Variants in AUTS2 observed in about 807,000 individuals in gnomAD.
AUTS2 encodes the protein activator of transcription and developmental regulator AUTS2, also known as autism susceptibility gene 2 protein.
AUTS2 carries 17 observed loss-of-function variants against 112.4 expected under a neutral mutation model. The ratio of observed to expected loss-of-function variants is 0.15; its 90% CI spans 0.10 to 0.23. The LOEUF is 0.23. Among genes scored for constraint, AUTS2 ranks in the 10% least tolerant of loss-of-function variants. The probability of loss-of-function intolerance (pLI) is 1.00; values close to 1 mark genes in which losing one functional copy is unlikely to be tolerated. For synonymous variants in AUTS2, 751 were observed against 702.7 expected, an observed-to-expected ratio of 1.07 and a Z score of -1.09; for missense variants, 1,510 against 1,701.6, an observed-to-expected ratio of 0.89 and a Z score of 1.98.
At chr7:70,393,839 G>C (rs1044998402) in intron 4 of AUTS2, among the ~76,000 whole-genome samples, 12 of 152,038 alleles carry the variant, frequency 7.9e-5, no homozygotes, top group Admixed American at 5.9e-4. Context: ...CTTTCCCCCA[G>C]TTTCCTTGCA....
intron 2 of AUTS2, among the ~76,000 whole-genome samples, chr7:69,948,899 G>A (rs1455943422): frequency 4.0e-5 from 6 of 151,734 alleles, no homozygotes; most frequent in African/African-American, 9.7e-5. Context: ...TCCACCTCCC[G>A]GGTTCAAGTG....
At chr7:70,507,903 C>CA (rs1563003095) in intron 5 of AUTS2, among the ~76,000 whole-genome samples, 1 of 152,226 alleles carries the variant, frequency 6.6e-6, no homozygotes, top group Non-Finnish European at 1.5e-5. Flanking sequence ...GCATGTACCT[C>CA]ATATGGGCAA....
In AUTS2 at chr7:70,345,951, A is replaced by G. The variant is rs138155704; in HGVS notation, c.661-89801A>G. Among the ~76,000 whole-genome samples the G allele has an allele frequency of 4.2e-3, 644 of 152,248 alleles. 5 individuals are homozygous for G. Among genetic ancestry groups the G allele is most frequent in the Non-Finnish European group, 5.4e-3 (370 of 68,018 alleles). Reference sequence around the variant, plus strand: ...AGTGTCCTGAATCTGTGGTTTTATAATCTATGTCAGAAGTCTATCATTTTT... The same window carrying G: ...AGTGTCCTGAATCTGTGGTTTTATAGTCTATGTCAGAAGTCTATCATTTTT... On this transcript the variant is annotated intron_variant, in intron 4 of 18. Transcript: ENST00000342771.
chr7:69,635,410 A>C (rs981201448), intron 1 of AUTS2, among the ~76,000 whole-genome samples: 5 of 152,346 alleles, frequency 3.3e-5, no homozygotes, highest in African/African-American at 1.2e-4. Flanking sequence ...ACATCTGAGA[A>C]TAATAATATA....
At chr7:69,778,779 C>T (rs1199662039) in intron 1 of AUTS2, among the ~76,000 whole-genome samples, 1 of 152,120 alleles carries the variant, frequency 6.6e-6, no homozygotes, top group Non-Finnish European at 1.5e-5. Context: ...TCAGCGTGAG[C>T]TAATGAGTGG....
At chr7:69,604,063 A>G (rs997763763) in intron 1 of AUTS2, among the ~76,000 whole-genome samples, 2 of 152,206 alleles carry the variant, frequency 1.3e-5, no homozygotes, top group African/African-American at 4.8e-5. Flanking sequence ...AATTTGTGGA[A>G]TTAGCAGAAA....
intron 1 of AUTS2, among the ~76,000 whole-genome samples, chr7:69,624,171 CTG>C (rs1412480216): frequency 6.6e-6 from 1 of 152,188 alleles, no homozygotes; most frequent in Non-Finnish European, 1.5e-5. Context: ...TTTCTGCAAT[CTG>C]TTTCACTGAA....
intron 5 of AUTS2, among the ~76,000 whole-genome samples, chr7:70,679,834 G>C (rs1158731659): frequency 6.6e-6 from 1 of 152,154 alleles, no homozygotes; most frequent in African/African-American, 2.4e-5. Flanking sequence ...TGTGTATTTT[G>C]TTCTTTCGTT....
Position 70,629,458 on chromosome 7 carries a change from C to T in AUTS2, c.691-69111C>T, listed in dbSNP as rs572996048. On this transcript the variant is annotated intron_variant, in intron 5 of 18. Transcript: ENST00000342771. ...CTGCACTCCAGCCTGGGCGACAAAG[C>T]GAGACTCCATCTCAAAAAAAGGGAA... is the stretch of plus-strand genomic sequence containing the variant. Among the ~76,000 whole-genome samples, 336 of 151,418 alleles carry T rather than the reference C, an allele frequency of 2.2e-3. 1 individual carries two copies. Among genetic ancestry groups the T allele is most frequent in the African/African-American group, 6.8e-3 (281 of 41,234 alleles).
chr7:70,224,437 G>A (rs1466889154), intron 4 of AUTS2, among the ~76,000 whole-genome samples: 1 of 151,296 alleles, frequency 6.6e-6, no homozygotes, highest in African/African-American at 2.4e-5. Context: ...TAAAAGAAAG[G>A]TTATAGAATA....
intron 5 of AUTS2, among the ~76,000 whole-genome samples, chr7:70,681,976 G>A (rs923483585): frequency 6.6e-6 from 1 of 152,132 alleles, no homozygotes; most frequent in African/African-American, 2.4e-5. Context: ...CTAACTGTCC[G>A]TGGCTTTGGG....
intron 5 of AUTS2, among the ~76,000 whole-genome samples, chr7:70,536,910 A>G (rs1800346872): frequency 1.3e-5 from 2 of 152,166 alleles, no homozygotes; most frequent in South Asian, 4.1e-4. Flanking sequence ...CAAAGAAAAA[A>G]GAAAAAGAAA....
At chr7:69,806,351 A>G (rs1790306871) in intron 1 of AUTS2, among the ~76,000 whole-genome samples, 1 of 151,828 alleles carries the variant, frequency 6.6e-6, no homozygotes, top group Non-Finnish European at 1.5e-5. Context: ...GAAATATGAT[A>G]ATAGCTTATT....
intron 5 of AUTS2, 42 bp downstream of exon 5, chr7:70,435,823 C>T: frequency 1.3e-6 from 2 of 1,598,028 alleles, no homozygotes; most frequent in Non-Finnish European, 1.7e-6. Flanking sequence ...GCACATAACA[C>T]ACTGAACACC....
At chr7:69,779,863 TG>T (rs1437785702) in intron 1 of AUTS2, among the ~76,000 whole-genome samples, 2 of 152,066 alleles carry the variant, frequency 1.3e-5, no homozygotes, top group Non-Finnish European at 2.9e-5. Flanking sequence ...CTTTATTTTG[TG>T]TATTTTTTTC....
intron 4 of AUTS2, among the ~76,000 whole-genome samples, chr7:70,257,422 A>G (rs555314565): frequency 6.6e-6 from 1 of 152,084 alleles, no homozygotes; most frequent in Non-Finnish European, 1.5e-5. Context: ...GGTTCAAGCC[A>G]TTTTCCCACC....
chr7:70,455,763 G>A (rs905160312), intron 5 of AUTS2, among the ~76,000 whole-genome samples: 1 of 152,046 alleles, frequency 6.6e-6, no homozygotes, highest in African/African-American at 2.4e-5. Flanking sequence ...CTTCAGCCTG[G>A]GTGACAGAGT....
intron 1 of AUTS2, among the ~76,000 whole-genome samples, chr7:69,765,614 G>A (rs1364280125): frequency 2.0e-5 from 3 of 152,136 alleles, no homozygotes; most frequent in Non-Finnish European, 4.4e-5. Flanking sequence ...ACTGCGTTCA[G>A]TCTAATTTTT....
At chr7:69,964,916 T>C (rs1797576815) in intron 2 of AUTS2, among the ~76,000 whole-genome samples, 1 of 152,022 alleles carries the variant, frequency 6.6e-6, no homozygotes, top group African/African-American at 2.4e-5. Flanking sequence ...CCTTTCCTTG[T>C]CCAGCTTGCA....
Sources: gnomAD v4.1 joint callset for allele counts (sites outside exome capture counted in the v4.1 genomes callset) on GRCh38, gnomAD v4.1.1 for gene constraint, MANE v1.5 for transcripts, NCBI Gene and HGNC (gene_info 2026-07-23, HGNC 2026-07-21) for gene names.